The following PLD1 variants were observed in gnomAD, a reference collection of about 807,000 sequenced individuals.
PLD1 encodes phospholipase D1.
PLD1 carries 112 observed loss-of-function variants against 137.1 expected under a neutral mutation model. That is an observed-to-expected ratio of 0.82 (90% CI 0.70 to 0.96). PLD1 has a LOEUF of 0.96. Among genes scored for constraint, PLD1 ranks in the 40% least tolerant of loss-of-function variants. PLD1 has a pLI of 0.00. For missense variants in PLD1, 1,321 were observed against 1,342.0 expected (o/e 0.98, Z 0.24); for synonymous variants, 431 against 454.7 (o/e 0.95, Z 0.66).
At chr3:171,761,244 G>A (rs918558338) in intron 1 of PLD1, among the ~76,000 whole-genome samples, 1 of 152,068 alleles carries the variant, frequency 6.6e-6, no homozygotes, top group African/African-American at 2.4e-5. Context: ...AGAAGGGTCT[G>A]GATATCCCCT....
At chr3:171,609,554 A>C (rs938788391) in intron 25 of PLD1, among the ~76,000 whole-genome samples, 29 of 122,494 alleles carry the variant, frequency 2.4e-4, no homozygotes, top group African/African-American at 1.2e-3. Context: ...ACACACACAC[A>C]CCAGAGAAAA....
chr3:171,636,330 G>A (rs999206365), intron 23 of PLD1, among the ~76,000 whole-genome samples: 1 of 151,992 alleles, frequency 6.6e-6, no homozygotes, highest in Non-Finnish European at 1.5e-5. Flanking sequence ...TGGGGTTTTG[G>A]TAGGGATTGT....
chr3:171,687,239 A>T (rs1714656709), intron 15 of PLD1, 132 bp downstream of exon 15: 3 of 703,732 alleles, frequency 4.3e-6, no homozygotes, highest in Non-Finnish European at 7.2e-6. Context: ...GAATAGAATG[A>T]TATAGCGACC....
At position 171,620,434 on chromosome 3, in the gene PLD1, A is replaced by G. The variant is rs1468050892; in HGVS notation, c.2680T>C (p.Tyr894His). The change falls in exon 24 of 27, where the codon TAT (tyrosine) becomes CAT (histidine). Residue 894 changes from tyrosine to histidine, a missense_variant. Transcript: ENST00000351298. ...GCAATTAACAACTTGCTGTGGACAT[A>G]GATAAGCTCAGTTACTAGGTTTCCT... ...LEGNLVTELI[Y>H]VHSKLLIADD... is the part of the protein sequence containing the mutation. 1.9e-6 allele frequency: 3 copies of G among 1,600,536 alleles called. No homozygotes were observed. The highest frequency in any genetic ancestry group is 2.6e-6 in the Non-Finnish European group (3 of 1,169,776).
intron 21 of PLD1, among the ~76,000 whole-genome samples, chr3:171,655,317 AC>A (rs1444487129): frequency 2.6e-5 from 4 of 152,102 alleles, no homozygotes; most frequent in African/African-American, 9.7e-5. Context: ...AAAAGGGGTC[AC>A]CCCAGGGTGG....
At chr3:171,724,642 C>A in intron 8 of PLD1, 54 bp downstream of exon 8, 1 of 997,152 alleles carries the variant, frequency 1.0e-6, no homozygotes, top group South Asian at 1.3e-5. Context: ...TAAAACTAGC[C>A]CAAATACCCA....
chr3:171,809,197 T>A (rs1207163425), intron 1 of PLD1: 1 of 152,172 alleles, frequency 6.6e-6, no homozygotes, highest in African/African-American at 2.4e-5. Flanking sequence ...CTTATACAAT[T>A]AGTCCAAAGA....
intron 1 of PLD1, among the ~76,000 whole-genome samples, chr3:171,768,425 T>C (rs1394552544): frequency 2.6e-5 from 4 of 152,170 alleles, no homozygotes; most frequent in African/African-American, 4.8e-5. Context: ...GACAAGGCTA[T>C]AAACTGCAGA....
At chr3:171,683,434 C>T (rs138926333) in intron 16 of PLD1, among the ~76,000 whole-genome samples, 36 of 152,230 alleles carry the variant, frequency 2.4e-4, no homozygotes, top group African/African-American at 8.7e-4. Context: ...TCTTATCATC[C>T]TCTCCTAGCC....
chr3:171,633,668 T>G (rs915251025), intron 23 of PLD1, among the ~76,000 whole-genome samples: 6 of 152,110 alleles, frequency 3.9e-5, no homozygotes, highest in African/African-American at 1.4e-4. Flanking sequence ...TACAATAGAC[T>G]CAATATTTAT....
At chr3:171,789,347 T>A (rs563068501) in intron 1 of PLD1, 2 of 152,182 alleles carry the variant, frequency 1.3e-5, no homozygotes, top group Admixed American at 6.5e-5. Context: ...TACAGAAGGG[T>A]CTTGAATGAC....
chr3:171,737,235 G>A (rs1578384663), intron 3 of PLD1, among the ~76,000 whole-genome samples: 1 of 152,224 alleles, frequency 6.6e-6, no homozygotes, highest in African/African-American at 2.4e-5. Context: ...ACTGGGGAGA[G>A]AAGAAGATTA....
intron 7 of PLD1, among the ~76,000 whole-genome samples, chr3:171,725,799 G>A (rs898737631): frequency 6.6e-6 from 1 of 152,238 alleles, no homozygotes. Context: ...AATCTGTGCT[G>A]TAAGCACGTG....
rs554331542 is a variant in PLD1 at position 171,653,828 on chromosome 3, G to A, written c.2429+5385C>T. On this transcript the variant is annotated intron_variant, in intron 21 of 26. Transcript: ENST00000351298. ...TTTCACATATATTCATATAAGCTAC[G>A]TAGAACAGATAATATTATTCGTGGT... 70 of 171,156 alleles carry A rather than the reference G, an allele frequency of 4.1e-4. No homozygotes were observed. The South Asian group carries it at 6.8e-3, about 17-fold the overall frequency. 10.6% of individuals were successfully genotyped at this position (171,156 alleles called of 1,614,324 possible).
Position 171,735,606 on chromosome 3 carries a change from A to G in PLD1, c.320T>C (p.Leu107Ser). 1 of 1,546,524 alleles carries G rather than the reference A, an allele frequency of 6.5e-7. No homozygotes were observed. The highest frequency in any genetic ancestry group is 1.1e-5 in the South Asian group (1 of 89,586). The change falls in exon 4 of 27, where the codon TTA becomes TCA. Residue 107 changes from leucine (L) to serine (S), a missense_variant. Coordinates refer to ENST00000351298, the MANE Select transcript of PLD1 (RefSeq NM_002662.5). ...TTGCCATTTAAATTCCCCATGTGTTAATTCAATAGTGTAAAGATTAATACT... is the reference window on the plus strand; with the variant it reads ...TTGCCATTTAAATTCCCCATGTGTTGATTCAATAGTGTAAAGATTAATACT... ...VPSINLYTIE[L>S]THGEFKWQVK...
chr3:171,705,037 G>C (rs970438325), intron 11 of PLD1, among the ~76,000 whole-genome samples: 5 of 152,170 alleles, frequency 3.3e-5, no homozygotes, highest in African/African-American at 1.2e-4. Flanking sequence ...GCTCATGCTC[G>C]CTACCTCCCC....
intron 1 of PLD1, among the ~76,000 whole-genome samples, chr3:171,787,961 C>A (rs1467628330): frequency 3.3e-5 from 5 of 151,922 alleles, no homozygotes; most frequent in Non-Finnish European, 7.4e-5. Context: ...ACTCCCAGCA[C>A]TTTGGGAGGC....
rs987204671 is a variant in PLD1, at chr3:171,810,170, G to T, written c.-32+229C>A. Among the ~76,000 whole-genome samples, 4 of 152,370 alleles carry T rather than the reference G, an allele frequency of 2.6e-5. No homozygotes were observed. The East Asian group carries it at 5.8e-4, about 22-fold the overall frequency. On this transcript the variant is annotated intron_variant, in intron 1 of 26. Coordinates refer to ENST00000351298, the MANE Select transcript of PLD1 (RefSeq NM_002662.5). ...AGCCGCCCGCGCGGCAAAAGTGCGT[G>T]CCAGAGTTGTCAGCTTTCACCCTGC...
Position 171,692,393 on chromosome 3 carries a change from G to C in PLD1, c.1277C>G (p.Ala426Gly). 1 of 1,607,070 alleles carries C rather than the reference G, an allele frequency of 6.2e-7. No individual in the cohort carries two copies. Among genetic ancestry groups the C allele is most frequent in the Non-Finnish European group, 8.5e-7 (1 of 1,173,508 alleles). ...GGTGTATTCACTATTGATGCCAAGA[G>C]CGAGTTCCACCTCTTTGTAGAGCAT... The part of the protein sequence containing the change: ...FIMLYKEVEL[A>G]LGINSEYTKR... The change falls in exon 13 of 27, where the codon GCT becomes GGT. Residue 426 changes from alanine to glycine, a missense_variant. Transcript: ENST00000351298.
Sources: gnomAD v4.1 joint callset for allele counts (sites outside exome capture counted in the v4.1 genomes callset) on GRCh38, gnomAD v4.1.1 for gene constraint, MANE v1.5 for transcripts, NCBI Gene and HGNC (gene_info 2026-07-23, HGNC 2026-07-21) for gene names.